MADD: variants seen among roughly 807,000 people sequenced by gnomAD.
The protein encoded by MADD is MAP kinase activating death domain, also known as MAP kinase-activating death domain protein.
In MADD, 109 loss-of-function variants were observed where a neutral mutation model predicts 176.7. That is an observed-to-expected ratio of 0.62 (90% CI 0.53 to 0.72). The LOEUF (loss-of-function observed/expected upper bound fraction) is 0.72. MADD is among the 30% of genes least tolerant of loss of function. The pLI, the probability that MADD is intolerant of heterozygous loss-of-function variation, is 0.00. For synonymous variants in MADD, 771 were observed against 771.3 expected, an observed-to-expected ratio of 1.00 and a Z score of 0.01; for missense variants, 1,914 against 2,045.5, an observed-to-expected ratio of 0.94 and a Z score of 1.24.
chr11:47,278,808 T>C (rs1393279623), intron 6 of MADD, among the ~76,000 whole-genome samples, 191 bp from the exon 7 acceptor site: 1 of 152,174 alleles, frequency 6.6e-6, no homozygotes, highest in Non-Finnish European at 1.5e-5. Flanking sequence ...CCAATAACAT[T>C]AAGTTATATT....
At chr11:47,309,572 C>T in exon 25 of MADD, 3 of 1,614,142 alleles carry the variant, frequency 1.9e-6, no homozygotes, top group Non-Finnish European at 2.5e-6. Flanking sequence ...TTGTTGGCCA[C>T]ACTTCTGCAC....
intron 22 of MADD, among the ~76,000 whole-genome samples, chr11:47,296,699 G>GC: frequency 6.6e-6 from 1 of 151,268 alleles, no homozygotes; most frequent in East Asian, 1.9e-4. Context: ...CACACAGTAA[G>GC]CCCATGATCA....
upstream of MADD, chr11:47,269,476 G>A (rs936833215): frequency 5.9e-5 from 9 of 152,372 alleles, no homozygotes; most frequent in Non-Finnish European, 1.3e-4. Flanking sequence ...GAAAGACCTA[G>A]AACCCAGTGT....
chr11:47,287,135 C>T (rs1338264354), intron 15 of MADD, among the ~76,000 whole-genome samples: 6 of 152,168 alleles, frequency 3.9e-5, no homozygotes, highest in Non-Finnish European at 8.8e-5. Flanking sequence ...ACCAGACTGA[C>T]CAACATGGCG....
At chr11:47,295,283 A>G in intron 20 of MADD, among the ~76,000 whole-genome samples, 1 of 152,164 alleles carries the variant, frequency 6.6e-6, no homozygotes, top group East Asian at 1.9e-4. Context: ...AAGTGCTAGG[A>G]CTACAGGCGT....
chr11:47,300,450 A>ACC (rs756065516), intron 22 of MADD, among the ~76,000 whole-genome samples: 7 of 101,560 alleles, frequency 6.9e-5, no homozygotes, highest in African/African-American at 3.0e-4. Context: ...CAAGTGATCT[A>ACC]CCCCCCGCCC....
chr11:47,310,167 A>G (rs529247058), intron 25 of MADD, among the ~76,000 whole-genome samples: 1 of 144,934 alleles, frequency 6.9e-6, no homozygotes, highest in African/African-American at 2.6e-5. Flanking sequence ...CATAGTATTT[A>G]TTTATTTATT....
chr11:47,275,932 G>A lies in MADD; in HGVS notation c.693G>A (p.Leu231=), dbSNP rs755493506. ...TGTGGCGGATCTTTACTGGATCGCT[G>A]CTGGTAGAGGAGAAGTCAAGTGCCC... Residue 231 remains leucine (L), a synonymous_variant, in exon 4 of 33, where the codon CTG becomes CTA. Transcript: ENST00000402192. The A allele has an allele frequency of 1.9e-6, 3 of 1,612,728 alleles. No homozygotes were observed. In the East Asian group the frequency reaches 6.7e-5, roughly 36 times the overall value.
At chr11:47,318,429 G>A (rs2093660849) in intron 27 of MADD, among the ~76,000 whole-genome samples, 1 of 152,178 alleles carries the variant, frequency 6.6e-6, no homozygotes, top group African/African-American at 2.4e-5. Flanking sequence ...ACCCTTTAAA[G>A]TGTTAGAATT....
intron 22 of MADD, among the ~76,000 whole-genome samples, chr11:47,306,520 C>T (rs1392471931): frequency 6.6e-6 from 1 of 152,116 alleles, no homozygotes; most frequent in Non-Finnish European, 1.5e-5. Flanking sequence ...GTAGGGAAGC[C>T]AGTGGTGAAG....
intron 31 of MADD, chr11:47,328,108 T>C: frequency 1.0e-6 from 1 of 999,082 alleles, no homozygotes; most frequent in African/African-American, 1.7e-5. Context: ...GGAAGGACAC[T>C]GCCACATCCT....
intron 27 of MADD, among the ~76,000 whole-genome samples, chr11:47,321,140 T>G (rs2094409856): frequency 6.6e-6 from 1 of 152,194 alleles, no homozygotes; most frequent in African/African-American, 2.4e-5. Context: ...TAACAGTATA[T>G]TACAAGCATT....
chr11:47,283,719 A>C (rs1357985634), intron 10 of MADD, among the ~76,000 whole-genome samples: 5 of 152,140 alleles, frequency 3.3e-5, no homozygotes, highest in Admixed American at 3.3e-4. Context: ...TTACAGGCAC[A>C]TGCCATCACG....
chr11:47,282,508 C>G (rs1296603373), exon 9 of MADD: 2 of 1,614,200 alleles, frequency 1.2e-6, no homozygotes, highest in Non-Finnish European at 1.7e-6. Context: ...AGCCTCACGT[C>G]CCCGGCAGAC....
chr11:47,308,957 C>A, intron 23 of MADD, 23 bp from the exon 26 acceptor site: 1 of 1,609,256 alleles, frequency 6.2e-7, no homozygotes, highest in Non-Finnish European at 8.5e-7. Context: ...CTACCATGGT[C>A]CTTCCTGCTC....
intron 30 of MADD, 64 bp from the exon 35 acceptor site, chr11:47,326,672 AGT>A: frequency 1.3e-6 from 2 of 1,577,584 alleles, no homozygotes; most frequent in Non-Finnish European, 1.7e-6. Flanking sequence ...TAGCTGGGAG[AGT>A]GTGCTGTGTG....
chr11:47,317,604 TAATG>T (rs1308600852), intron 27 of MADD, among the ~76,000 whole-genome samples: 1 of 152,144 alleles, frequency 6.6e-6, no homozygotes, highest in Non-Finnish European at 1.5e-5. Flanking sequence ...GAAGAATACT[TAATG>T]AGTGGTGCTA....
intron 26 of MADD, among the ~76,000 whole-genome samples, chr11:47,314,593 C>T (rs571810901): frequency 6.6e-6 from 1 of 152,016 alleles, no homozygotes; most frequent in Admixed American, 6.6e-5. Context: ...GATGACAGAG[C>T]GAAACCTTGT....
At chr11:47,312,307 A>G (rs1350846552) in intron 26 of MADD, among the ~76,000 whole-genome samples, 1 of 152,000 alleles carries the variant, frequency 6.6e-6, no homozygotes, top group Non-Finnish European at 1.5e-5. Flanking sequence ...GGAGTGCAGT[A>G]GCGCAATCTT....
Sources: gnomAD v4.1 joint callset for allele counts (sites outside exome capture counted in the v4.1 genomes callset) on GRCh38, gnomAD v4.1.1 for gene constraint, MANE v1.5 for transcripts, NCBI Gene and HGNC (gene_info 2026-07-23, HGNC 2026-07-21) for gene names.